The following DENND1A variants were observed in gnomAD, a reference collection of about 807,000 sequenced individuals.
The protein encoded by DENND1A is DENN domain-containing protein 1A.
DENND1A carries 51 observed loss-of-function variants against 113.7 expected under a neutral mutation model. The observed-to-expected ratio is 0.45, with a 90% CI of 0.36 to 0.57. DENND1A has a LOEUF of 0.57. Ranked by LOEUF, DENND1A falls within the 20% of genes least tolerant of loss-of-function variation. The pLI, the probability that DENND1A is intolerant of heterozygous loss-of-function variation, is 0.00. For missense variants in DENND1A, 1,258 were observed against 1,395.9 expected, an observed-to-expected ratio of 0.90 and a Z score of 1.57; for synonymous variants, 565 against 570.8, an observed-to-expected ratio of 0.99 and a Z score of 0.14.
chr9:123,393,371 T>C (rs555458986), intron 21 of DENND1A, among the ~76,000 whole-genome samples: 8 of 152,210 alleles, frequency 5.3e-5, no homozygotes, highest in Admixed American at 5.2e-4. Context: ...GCTGAATGTA[T>C]GTCAGCACAT....
chr9:123,414,088 G>A (rs946425727), intron 19 of DENND1A: 5 of 993,762 alleles, frequency 5.0e-6, no homozygotes, highest in Non-Finnish European at 6.0e-6. Context: ...GCACCAGAGC[G>A]CTCGGGAGGC....
At chr9:123,554,944 CTTTAA>C (rs922171640) in intron 13 of DENND1A, among the ~76,000 whole-genome samples, 2 of 152,212 alleles carry the variant, frequency 1.3e-5, no homozygotes, top group African/African-American at 4.8e-5. Context: ...ATAAGACAGA[CTTTAA>C]TTTATTTCAC....
intron 19 of DENND1A, among the ~76,000 whole-genome samples, chr9:123,419,231 T>A (rs1285656274): frequency 1.3e-5 from 2 of 152,230 alleles, no homozygotes; most frequent in African/African-American, 4.8e-5. Flanking sequence ...AGGTGGGGTG[T>A]GCCTGATGGC....
At chr9:123,615,830 C>G (rs897579958) in intron 10 of DENND1A, among the ~76,000 whole-genome samples, 1 of 152,194 alleles carries the variant, frequency 6.6e-6, no homozygotes, top group Non-Finnish European at 1.5e-5. Flanking sequence ...GTAAAACAGT[C>G]GAGCTATTTA....
At chr9:123,919,981 A>G (rs766228244) in intron 1 of DENND1A, among the ~76,000 whole-genome samples, 2 of 152,092 alleles carry the variant, frequency 1.3e-5, no homozygotes, top group Non-Finnish European at 2.9e-5. Flanking sequence ...ACAGTCAGTT[A>G]TCTATAAATA....
At chr9:123,836,016 G>A (rs773785399) in intron 2 of DENND1A, among the ~76,000 whole-genome samples, 9 of 152,072 alleles carry the variant, frequency 5.9e-5, no homozygotes, top group Non-Finnish European at 1.3e-4. Context: ...TATCCAGCAG[G>A]GTGTCTGACA....
intron 19 of DENND1A, among the ~76,000 whole-genome samples, chr9:123,426,179 G>A (rs2045713017): frequency 6.6e-6 from 1 of 152,184 alleles, no homozygotes. Context: ...ACGTCCTCTT[G>A]ACCATGCAGG....
intron 2 of DENND1A, among the ~76,000 whole-genome samples, chr9:123,827,968 A>G (rs1022874771): frequency 3.3e-5 from 5 of 152,206 alleles, no homozygotes; most frequent in Non-Finnish European, 7.3e-5. Flanking sequence ...TTTTGAATAT[A>G]CAACAATTGG....
chr9:123,916,115 A>G (rs1047634281), intron 1 of DENND1A, among the ~76,000 whole-genome samples: 2 of 152,116 alleles, frequency 1.3e-5, no homozygotes, highest in Non-Finnish European at 2.9e-5. Flanking sequence ...GTAATAATAA[A>G]AGACTAGAAG....
At chr9:123,588,127 T>C (rs2059270888) in intron 11 of DENND1A, among the ~76,000 whole-genome samples, 1 of 149,352 alleles carries the variant, frequency 6.7e-6, no homozygotes, top group Non-Finnish European at 1.5e-5. Flanking sequence ...AATACAAAAT[T>C]AGCCAGGCAT....
intron 19 of DENND1A, among the ~76,000 whole-genome samples, chr9:123,419,847 T>G (rs60006202): frequency 0.14 from 20,912 of 152,264 alleles, 1,589 homozygotes; most frequent in Admixed American, 0.19. Flanking sequence ...ATCCTCTCTG[T>G]CCGCCCTGGA....
intron 13 of DENND1A, among the ~76,000 whole-genome samples, chr9:123,487,085 T>C (rs181061768): frequency 4.3e-4 from 66 of 152,268 alleles, no homozygotes; most frequent in Admixed American, 2.1e-3. Flanking sequence ...CATATTTCTA[T>C]AGCAAAGCAA....
At chr9:123,891,515 G>A (rs1849895136) in intron 1 of DENND1A, among the ~76,000 whole-genome samples, 1 of 152,172 alleles carries the variant, frequency 6.6e-6, no homozygotes, top group African/African-American at 2.4e-5. Flanking sequence ...AAGTGATTCT[G>A]ATCAGTTGGA....
intron 3 of DENND1A, among the ~76,000 whole-genome samples, chr9:123,772,356 C>T (rs1274520290): frequency 6.6e-6 from 1 of 152,082 alleles, no homozygotes; most frequent in African/African-American, 2.4e-5. Flanking sequence ...TGGCAGTGTC[C>T]CACAGTCTTT....
At chr9:123,537,284 A>G (rs75880019) in intron 13 of DENND1A, among the ~76,000 whole-genome samples, 14,820 of 152,084 alleles carry the variant, frequency 0.097, 781 homozygotes, top group East Asian at 0.13. Context: ...ATAAAGGAAT[A>G]TAAGAACAAA....
At chr9:123,400,510 G>A (rs1046522033) in intron 21 of DENND1A, 5 of 152,218 alleles carry the variant, frequency 3.3e-5, no homozygotes, top group African/African-American at 1.2e-4. Context: ...GGGCCCTGAT[G>A]AGTCCCAGGA....
rs538174998 is a variant in DENND1A, at chr9:123,510,117, C to T, written c.993+47453G>A. 4.6e-5 allele frequency among the ~76,000 whole-genome samples: 7 copies of T among 152,340 alleles called. 1 individual carries two copies. In the South Asian group the frequency reaches 8.3e-4, roughly 18 times the overall value. On this transcript the variant is annotated intron_variant, in intron 13 of 23. Transcript: ENST00000394215. ...GCAGTGCGGCCTGCCCTGTGAGTCG[C>T]GCCTTCCCACTTCTCTGCTGTAGCC...
At chr9:123,580,618 A>G (rs1216886342) in intron 12 of DENND1A, among the ~76,000 whole-genome samples, 1 of 152,150 alleles carries the variant, frequency 6.6e-6, no homozygotes, top group Admixed American at 6.5e-5. Flanking sequence ...CACTTCCCAC[A>G]TTCACTAGGC....
chr9:123,496,762 G>C (rs1181739233), intron 13 of DENND1A, among the ~76,000 whole-genome samples: 1 of 152,212 alleles, frequency 6.6e-6, no homozygotes, highest in Non-Finnish European at 1.5e-5. Flanking sequence ...GCTGCTATTG[G>C]GACACCGTTA....
Sources: allele counts gnomAD v4.1 joint callset (sites outside exome capture counted in the v4.1 genomes callset), GRCh38; gene constraint gnomAD v4.1.1; transcripts MANE v1.5; gene names NCBI Gene and HGNC (gene_info 2026-07-23, HGNC 2026-07-21).